SCUBE1: variants seen among roughly 807,000 people sequenced by gnomAD.
SCUBE1 encodes signal peptide, CUB and EGF-like domain-containing protein 1.
In SCUBE1, 59 loss-of-function variants were observed where a neutral mutation model predicts 124.4. The observed-to-expected ratio is 0.47, with a 90% confidence interval of 0.38 to 0.59. The LOEUF (loss-of-function observed/expected upper bound fraction) is 0.59, where lower values mean the gene tolerates loss of function less well. Ranked by LOEUF, SCUBE1 falls within the 20% of genes least tolerant of loss-of-function variation. The probability of loss-of-function intolerance (pLI) is 0.00; values close to 1 mark genes in which losing one functional copy is unlikely to be tolerated. For missense variants in SCUBE1, 1,150 were observed against 1,371.2 expected (o/e 0.84, Z 2.55); for synonymous variants, 545 against 550.9 (o/e 0.99, Z 0.15).
chr22:43,323,336 T>G (rs973902344), intron 2 of SCUBE1, among the ~76,000 whole-genome samples: 5 of 152,048 alleles, frequency 3.3e-5, no homozygotes, highest in African/African-American at 1.2e-4. Flanking sequence ...TATCCATCCA[T>G]CTACTCACCC....
rs376454308 is a variant in SCUBE1, at chr22:43,210,552, G to C, written c.2384-312C>G. Among the ~76,000 whole-genome samples, 40 of 152,326 alleles carry C rather than the reference G, an allele frequency of 2.6e-4. No individual in the cohort carries two copies. The East Asian group carries it at 7.0e-3, about 27-fold the overall frequency. On this transcript the variant is annotated intron_variant, in intron 18 of 21. Coordinates refer to ENST00000360835, the MANE Select transcript of SCUBE1 (RefSeq NM_173050.5). This position sits in a 1 kb window ranked among gnomAD's most constrained non-coding sequence, Gnocchi z 4.5. ...GGCTGGGCCTTGTCAGGGGCACTGAGAGGGCCTGGAGCCCTGCTCTCTCTA... is the reference window on the plus strand; with the variant it reads ...GGCTGGGCCTTGTCAGGGGCACTGACAGGGCCTGGAGCCCTGCTCTCTCTA...
intron 6 of SCUBE1, among the ~76,000 whole-genome samples, chr22:43,244,162 C>A (rs1362694340): frequency 6.6e-6 from 1 of 152,170 alleles, no homozygotes; most frequent in African/African-American, 2.4e-5. Context: ...CTGCCCACCT[C>A]CCAGCCCATG....
chr22:43,214,458 C>T (rs916971056), intron 15 of SCUBE1, among the ~76,000 whole-genome samples: 2 of 152,242 alleles, frequency 1.3e-5, no homozygotes, highest in Non-Finnish European at 1.5e-5. Context: ...AGCCTGGCCC[C>T]TCTGGCTGCT....
At chr22:43,294,156 G>A (rs896655887) in intron 3 of SCUBE1, among the ~76,000 whole-genome samples, 4 of 152,242 alleles carry the variant, frequency 2.6e-5, no homozygotes, top group African/African-American at 4.8e-5. Flanking sequence ...AGAGGGGGCT[G>A]CCCCTCTGCA....
At chr22:43,236,000 G>T (rs908545535) in intron 7 of SCUBE1, among the ~76,000 whole-genome samples, 1 of 152,082 alleles carries the variant, frequency 6.6e-6, no homozygotes. Context: ...CCACCTGCCC[G>T]GGGTTTGCAG....
At chr22:43,220,193 G>C (rs1389203539) in intron 14 of SCUBE1, among the ~76,000 whole-genome samples, 3 of 152,218 alleles carry the variant, frequency 2.0e-5, no homozygotes, top group African/African-American at 7.2e-5. Flanking sequence ...TAAGGGTCAT[G>C]TGACTTTTGA....
chr22:43,315,363 G>A (rs566649661), intron 3 of SCUBE1, among the ~76,000 whole-genome samples: 2 of 152,170 alleles, frequency 1.3e-5, no homozygotes, highest in African/African-American at 4.8e-5. Flanking sequence ...ACCTGAATTT[G>A]AGCCTAAATC....
At chr22:43,205,789 A>C (rs1322699738) in intron 21 of SCUBE1, among the ~76,000 whole-genome samples, 4 of 30,084 alleles carry the variant, frequency 1.3e-4, no homozygotes, top group African/African-American at 4.6e-4. Context: ...CCACACACTC[A>C]CCCCCACACA....
intron 6 of SCUBE1, among the ~76,000 whole-genome samples, chr22:43,256,179 C>T (rs1169829896): frequency 1.3e-5 from 2 of 152,182 alleles, no homozygotes; most frequent in African/African-American, 4.8e-5. Flanking sequence ...CACAGAAAAA[C>T]CACGGGATCG....
chr22:43,250,066 C>T (rs969536167), intron 6 of SCUBE1, among the ~76,000 whole-genome samples: 14 of 152,224 alleles, frequency 9.2e-5, no homozygotes, highest in Admixed American at 5.9e-4. Flanking sequence ...ATCCTCAAAT[C>T]GATAGGAAGT....
chr22:43,339,052 C>T, intron 2 of SCUBE1, 52 bp downstream of exon 2: 3 of 1,606,988 alleles, frequency 1.9e-6, no homozygotes, highest in East Asian at 4.5e-5. Flanking sequence ...CGGCCACCTA[C>T]AGCAGCCCTG....
intron 4 of SCUBE1, among the ~76,000 whole-genome samples, chr22:43,281,540 TCACCCTCCTGTCACCTCCCC>T (rs1924894737): frequency 7.4e-5 from 3 of 40,744 alleles, no homozygotes; most frequent in East Asian, 2.0e-3. Flanking sequence ...CCTCCCTCAG[TCACCCTCCTGTCACCTCCCC>T]CTCAGCCACC....
chr22:43,250,016 T>C (rs1384265962), intron 6 of SCUBE1, among the ~76,000 whole-genome samples: 1 of 152,260 alleles, frequency 6.6e-6, no homozygotes, highest in Admixed American at 6.5e-5. Context: ...CCTACGTGCC[T>C]GGCACCGCGC....
intron 2 of SCUBE1, among the ~76,000 whole-genome samples, chr22:43,326,597 C>G (rs561315155): frequency 6.6e-6 from 1 of 152,094 alleles, no homozygotes; most frequent in Non-Finnish European, 1.5e-5. Flanking sequence ...GTGGGCCCAG[C>G]AGTTAATTAC....
rs189733744 is a variant in SCUBE1 at position 43,262,177 on chromosome 22, T to A, written c.610+543A>T. On this transcript the variant is annotated intron_variant, in intron 5 of 21. Transcript: ENST00000360835. Reference sequence around the variant, plus strand: ...TGAGTTCTGATCTTTACATTTTATTTTAGAGATGGGGTCTTGCTGTATTGT... The same window carrying A: ...TGAGTTCTGATCTTTACATTTTATTATAGAGATGGGGTCTTGCTGTATTGT... 2.3e-3 allele frequency among the ~76,000 whole-genome samples: 356 copies of A among 152,284 alleles called. 2 individuals carry two copies. The highest frequency in any genetic ancestry group is 7.9e-3 in the African/African-American group (328 of 41,558).
chr22:43,263,326 CT>C (rs1923942589), intron 4 of SCUBE1, among the ~76,000 whole-genome samples: 1 of 152,176 alleles, frequency 6.6e-6, no homozygotes, highest in African/African-American at 2.4e-5. Context: ...GTTTATCTTC[CT>C]GGTGATTTGT....
At chr22:43,226,011 T>C (rs899170637) in intron 10 of SCUBE1, among the ~76,000 whole-genome samples, 2 of 152,226 alleles carry the variant, frequency 1.3e-5, no homozygotes, top group Non-Finnish European at 2.9e-5. Context: ...CAGCAAGTCC[T>C]TCCACAAGTA....
intron 6 of SCUBE1, among the ~76,000 whole-genome samples, chr22:43,246,615 C>A (rs566586365): frequency 6.6e-6 from 1 of 152,372 alleles, no homozygotes; most frequent in South Asian, 2.1e-4. Context: ...GCTTCGGTTT[C>A]CTTATCTGTA....
chr22:43,262,089 C>T (rs1923892297), intron 5 of SCUBE1, among the ~76,000 whole-genome samples: 1 of 152,224 alleles, frequency 6.6e-6, no homozygotes, highest in Non-Finnish European at 1.5e-5. Context: ...GGCCAGAGGC[C>T]TCATTCAGCC....
Sources: allele counts gnomAD v4.1 joint callset (sites outside exome capture counted in the v4.1 genomes callset), GRCh38; gene constraint gnomAD v4.1.1; non-coding constraint Gnocchi (gnomAD v3.1); transcripts MANE v1.5; gene names NCBI Gene and HGNC (gene_info 2026-07-23, HGNC 2026-07-21).